The following GTF2H2C variants were observed in gnomAD, a reference collection of about 807,000 sequenced individuals.
The protein encoded by GTF2H2C is general transcription factor IIH subunit 2-like protein.
A neutral mutation model predicts 24.8 loss-of-function variants in GTF2H2C; 5 were observed. The ratio of observed to expected loss-of-function variants is 0.20; its 90% CI spans 0.11 to 0.42. GTF2H2C has a LOEUF of 0.42. Ranked by LOEUF, GTF2H2C falls within the 20% of genes least tolerant of loss-of-function variation. The pLI is 1.00. For missense variants in GTF2H2C, 45 were observed against 169.8 expected, an observed-to-expected ratio of 0.27 and a Z score of 4.08; for synonymous variants, 14 against 52.6, an observed-to-expected ratio of 0.27 and a Z score of 3.18.
chr5:69,590,164 C>T (rs1771931068), intron 15 of GTF2H2C, among the ~76,000 whole-genome samples, 164 bp from the exon 16 acceptor site: 1 of 146,750 alleles, frequency 6.8e-6, no homozygotes, highest in East Asian at 2.0e-4. Context: ...GGATTATAGG[C>T]GTGAGCCACT....
chr5:69,573,341 G>C (rs1771193622), intron 9 of GTF2H2C, among the ~76,000 whole-genome samples: 1 of 86,196 alleles, frequency 1.2e-5, no homozygotes, highest in Non-Finnish European at 2.3e-5. Flanking sequence ...GTGCCACCAT[G>C]CCCAGCCAAT....
Position 69,572,547 on chromosome 5 carries a change from TA to T in GTF2H2C, c.470del (p.Lys157AsnfsTer12). The T allele has an allele frequency of 6.7e-7, 1 of 1,481,736 alleles. No homozygotes were observed. Among genetic ancestry groups the T allele is most frequent in the Non-Finnish European group, 9.1e-7 (1 of 1,098,122 alleles). The allele number at this position is 1,481,736 out of a possible 1,614,324, so 91.8% of individuals were successfully genotyped here. On this transcript the variant is annotated frameshift_variant and splice_region_variant, in exon 9 of 17. Coordinates refer to ENST00000380729, the MANE Select transcript of GTF2H2C (RefSeq NM_001376000.2). LOFTEE classifies it high-confidence loss of function. ...TCCCTAAGCATGGCTATGCAGACTC[TA>T]AAGTTAGTATTATACATTATGTATA... ...YNSLSMAMQTLKHMPGHTSRE... is the reference protein window; with the variant it reads ...YNSLSMAMQTXKHMPGHTSRE...
chr5:69,573,033 A>G (rs1411014459), intron 9 of GTF2H2C, among the ~76,000 whole-genome samples: 2 of 136,976 alleles, frequency 1.5e-5, no homozygotes, highest in Non-Finnish European at 3.1e-5. Flanking sequence ...GCTTATATAT[A>G]TATATAAGCT....
At chr5:69,564,042 C>T (rs553989544) in intron 2 of GTF2H2C, among the ~76,000 whole-genome samples, 45 of 151,000 alleles carry the variant, frequency 3.0e-4, no homozygotes, top group African/African-American at 1.1e-3. Context: ...CTCCCAAGTG[C>T]TAGGATTACA....
At chr5:69,562,176 A>G (rs1422829470) in intron 1 of GTF2H2C, among the ~76,000 whole-genome samples, 1 of 152,194 alleles carries the variant, frequency 6.6e-6, no homozygotes, top group East Asian at 1.9e-4. Context: ...AAAGTTAGCC[A>G]GGTGTGGTGG....
Position 69,594,552 on chromosome 5 carries a change from A to G in GTF2H2C, c.*2354A>G, listed in dbSNP as rs1288856318. 7.0e-6 allele frequency: 1 copy of G among 142,492 alleles called. No individual in the cohort carries two copies. The highest frequency in any genetic ancestry group is 1.6e-5 in the Non-Finnish European group (1 of 64,122). 8.8% of individuals were successfully genotyped at this position (142,492 alleles called of 1,614,324 possible). ...GGACCCAGTGGTTCTTTATGTGGAA[A>G]CAAATTTCACCTATAGGTAACCTGG... On this transcript the variant is annotated 3_prime_UTR_variant, in exon 17 of 17. Transcript: ENST00000380729.
intron 1 of GTF2H2C, among the ~76,000 whole-genome samples, chr5:69,561,934 G>C (rs3097196): frequency 4.6e-5 from 7 of 152,072 alleles, no homozygotes; most frequent in African/African-American, 1.2e-4. Flanking sequence ...TGTGCCCTGC[G>C]AAGAATTTGA....
intron 8 of GTF2H2C, chr5:69,568,432 A>C (rs540245652): frequency 2.1e-6 from 1 of 470,768 alleles, no homozygotes; most frequent in African/African-American, 2.1e-5. Context: ...TACTACATTG[A>C]ATATAAATGT....
chr5:69,564,226 A>C, intron 2 of GTF2H2C, among the ~76,000 whole-genome samples: 1 of 31,792 alleles, frequency 3.1e-5, no homozygotes, highest in Non-Finnish European at 7.3e-5. Flanking sequence ...TATCCAGTCC[A>C]CCATTTATGA....
At chr5:69,563,631 G>A (rs575905647) in intron 2 of GTF2H2C, among the ~76,000 whole-genome samples, 3 of 152,060 alleles carry the variant, frequency 2.0e-5, no homozygotes, top group South Asian at 4.1e-4. Flanking sequence ...AAATGATCCC[G>A]TCACCCTGGT....
intron 2 of GTF2H2C, among the ~76,000 whole-genome samples, chr5:69,563,873 C>G (rs1214245103): frequency 6.6e-6 from 1 of 151,924 alleles, no homozygotes; most frequent in East Asian, 1.9e-4. Flanking sequence ...CTTCCGGGTT[C>G]AAGCAATTCT....
At chr5:69,564,372 A>G (rs1330512325) in intron 2 of GTF2H2C, among the ~76,000 whole-genome samples, 1 of 149,134 alleles carries the variant, frequency 6.7e-6, no homozygotes, top group Non-Finnish European at 1.5e-5. Flanking sequence ...ATCGACATAC[A>G]TGTGTCCAAT....
intron 4 of GTF2H2C, 95 bp from the exon 5 acceptor site, chr5:69,566,494 G>C (rs1393997535): frequency 6.7e-7 from 1 of 1,489,092 alleles, no homozygotes; most frequent in African/African-American, 1.5e-5. Context: ...TAGAAAAAAA[G>C]AAAAACAAAG....
intron 2 of GTF2H2C, among the ~76,000 whole-genome samples, 171 bp from the exon 3 acceptor site, chr5:69,564,929 A>G (rs1393403794): frequency 6.6e-6 from 1 of 152,084 alleles, no homozygotes; most frequent in Non-Finnish European, 1.5e-5. Context: ...TGGAAATGAG[A>G]AATGGAGTTC....
intron 2 of GTF2H2C, among the ~76,000 whole-genome samples, chr5:69,563,768 T>A (rs1770558352): frequency 6.6e-6 from 1 of 152,048 alleles, no homozygotes; most frequent in Non-Finnish European, 1.5e-5. Flanking sequence ...TAGTTTCCAC[T>A]CGTAAATGAG....
In GTF2H2C at chr5:69,560,302, A is replaced by G. The variant is rs1266029851; in HGVS notation, c.-233A>G. ...GGTGGGGCAGGCCGTCTGACTAGCT[A>G]GGCGGCTGGGAGCGTTTTCGTGGCG... On this transcript the variant is annotated 5_prime_UTR_variant, in exon 1 of 17. Transcript: ENST00000380729. 2 of 152,072 alleles carry G rather than the reference A, an allele frequency of 1.3e-5. No homozygotes were observed. The highest frequency in any genetic ancestry group is 2.4e-5 in the African/African-American group (1 of 41,248). 9.4% of individuals were successfully genotyped at this position (152,072 alleles called of 1,614,324 possible). A position where few individuals can be genotyped will look rare whatever the true frequency, so the allele number is the denominator to read the frequency against.
At chr5:69,562,037 G>A (rs1399339710) in intron 1 of GTF2H2C, among the ~76,000 whole-genome samples, 1 of 152,078 alleles carries the variant, frequency 6.6e-6, no homozygotes, top group African/African-American at 2.4e-5. Context: ...GTTCAGTTGA[G>A]GCTGGGTGTG....
At chr5:69,560,990 T>C (rs2244248) in intron 1 of GTF2H2C, among the ~76,000 whole-genome samples, 4 of 152,060 alleles carry the variant, frequency 2.6e-5, no homozygotes, top group Admixed American at 6.6e-5. Flanking sequence ...TTTCTTGACC[T>C]CGTGATCCTC....
In GTF2H2C at chr5:69,566,176, A is replaced by G. The variant is rs1229167189; in HGVS notation, c.102A>G (p.Ile34Met). 6.2e-7 allele frequency: 1 copy of G among 1,608,764 alleles called. No individual in the cohort carries two copies. Among genetic ancestry groups the G allele is most frequent in the Non-Finnish European group, 8.5e-7 (1 of 1,178,286 alleles). The part of the protein sequence containing the change: ...EDESGSLKAT[I>M]EDILFKAKRK... ...AATCTGGATCACTTAAAGCTACAATAGAAGACATTCTATTCAAGGCAAAGA... is the reference window on the plus strand; with the variant it reads ...AATCTGGATCACTTAAAGCTACAATGGAAGACATTCTATTCAAGGCAAAGA... The change falls in exon 4 of 17, where the codon ATA (isoleucine) becomes ATG (methionine). Residue 34 changes from isoleucine (I) to methionine (M), a missense_variant. Coordinates refer to ENST00000380729, the MANE Select transcript of GTF2H2C (RefSeq NM_001376000.2).
Sources: gnomAD v4.1 joint callset for allele counts (sites outside exome capture counted in the v4.1 genomes callset) on GRCh38, gnomAD v4.1.1 for gene constraint, MANE v1.5 for transcripts, NCBI Gene and HGNC (gene_info 2026-07-23, HGNC 2026-07-21) for gene names.